The following TLCD3B variants were observed in gnomAD, a reference collection of about 807,000 sequenced individuals.
TLCD3B encodes TLC domain containing 3B.
TLCD3B carries 9 observed loss-of-function variants against 23.0 expected under a neutral mutation model. The observed-to-expected ratio is 0.39, with a 90% CI of 0.24 to 0.68. The LOEUF is 0.68. Ranked by LOEUF, TLCD3B falls within the 30% of genes least tolerant of loss-of-function variation. The probability of loss-of-function intolerance (pLI) is 0.44; values close to 1 mark genes in which losing one functional copy is unlikely to be tolerated. For synonymous variants in TLCD3B, 161 were observed against 161.0 expected (o/e 1.00, Z 0.00); for missense variants, 307 against 371.8 (o/e 0.83, Z 1.43).
Position 30,024,524 on chromosome 16 carries a change from C to G in TLCD3B, c.*659G>C. 2.1e-6 allele frequency: 1 copy of G among 486,168 alleles called. No homozygotes were observed. The highest frequency in any genetic ancestry group is 3.7e-6 in the Non-Finnish European group (1 of 272,694). 30.1% of individuals were successfully genotyped at this position (486,168 alleles called of 1,614,324 possible). A position where few individuals can be genotyped will look rare whatever the true frequency, so the allele number is the denominator to read the frequency against. ...AGGAAGCCTTGAGAGGTCAGTAGCA[C>G]CAGGGACATGGCAGGGCCCGAGGGC... On this transcript the variant is annotated 3_prime_UTR_variant, in exon 5 of 5. Transcript: ENST00000380495.
intron 1 of TLCD3B, among the ~76,000 whole-genome samples, chr16:30,046,934 C>T (rs752035418): frequency 1.3e-5 from 2 of 152,164 alleles, no homozygotes; most frequent in African/African-American, 2.4e-5. Context: ...TATACACATA[C>T]GCATTGTGAT....
At chr16:30,047,217 A>G (rs1195356494) in intron 1 of TLCD3B, among the ~76,000 whole-genome samples, 2 of 151,900 alleles carry the variant, frequency 1.3e-5, no homozygotes, top group Admixed American at 6.6e-5. Context: ...GCTCATTGCA[A>G]CCTCTGCCCC....
In TLCD3B at chr16:30,046,627, A is replaced by G. The variant is rs2071679163; in HGVS notation, c.-293-240T>C. The G allele has an allele frequency of 9.2e-5, 14 of 152,258 alleles. No individual in the cohort carries two copies. In the South Asian group the frequency reaches 2.9e-3, roughly 31 times the overall value. The allele number at this position is 152,258 out of a possible 1,614,324, so 9.4% of individuals were successfully genotyped here. ...TCCCACCCTCTATCTGCACACCAGA[A>G]AAAGCTGAGGGCACAGCAGGTGATT... On this transcript the variant is annotated intron_variant, in intron 1 of 6. Transcript: ENST00000561666.
chr16:30,034,296 G>A (rs576346373), upstream of TLCD3B, among the ~76,000 whole-genome samples: 24 of 151,264 alleles, frequency 1.6e-4, 1 homozygote, highest in Admixed American at 5.3e-4. Context: ...AGAAGAGGCC[G>A]GGTACAGTGG....
rs562360452 is a variant in TLCD3B, at chr16:30,027,019, T to C, written c.210-176A>G. The C allele has an allele frequency of 1.2e-5, 8 of 694,844 alleles. No homozygotes were observed. The South Asian group carries it at 1.2e-4, about 10-fold the overall frequency. The allele number at this position is 694,844 out of a possible 1,614,324, so 43.0% of individuals were successfully genotyped here. A position where few individuals can be genotyped will look rare whatever the true frequency, so the allele number is the denominator to read the frequency against. Reference sequence around the variant, plus strand: ...GCCCAAGGTCACACAGTCATGCAGCTAGTAAGAGATGGTGCTGGGATTCAA... The same window carrying C: ...GCCCAAGGTCACACAGTCATGCAGCCAGTAAGAGATGGTGCTGGGATTCAA... On this transcript the variant is annotated intron_variant, in intron 2 of 4. Transcript: ENST00000380495.
At chr16:30,027,400 G>A (rs2071195445) in intron 2 of TLCD3B, among the ~76,000 whole-genome samples, 1 of 152,210 alleles carries the variant, frequency 6.6e-6, no homozygotes, top group Non-Finnish European at 1.5e-5. Flanking sequence ...GTGAAGAAGT[G>A]AGTCACAGAG....
At chr16:30,041,539 A>G (rs907967567) in intron 2 of TLCD3B, among the ~76,000 whole-genome samples, 2 of 152,062 alleles carry the variant, frequency 1.3e-5, no homozygotes, top group Non-Finnish European at 2.9e-5. Flanking sequence ...TGTTGGGATT[A>G]CACACGCCTG....
chr16:30,040,605 A>C (rs964873263), intron 3 of TLCD3B, among the ~76,000 whole-genome samples: 1 of 151,980 alleles, frequency 6.6e-6, no homozygotes, highest in Non-Finnish European at 1.5e-5. Flanking sequence ...TGAGAGTAGG[A>C]GAGGCAGAAG....
At position 30,030,857 on chromosome 16, in the gene TLCD3B, G is replaced by T. The variant is rs143615996; in HGVS notation, c.-330C>A. On this transcript the variant is annotated 5_prime_UTR_variant, in exon 1 of 5. Coordinates refer to ENST00000380495, the MANE Select transcript of TLCD3B (RefSeq NM_031478.6). ...AGAGGGGACAGGAGGAGGAGGATGCGGATGGGGGAGGGGAGGGAGCCACCA... is the reference window on the plus strand; with the variant it reads ...AGAGGGGACAGGAGGAGGAGGATGCTGATGGGGGAGGGGAGGGAGCCACCA... 2.8e-3 allele frequency: 2,747 copies of T among 985,736 alleles called. 2 individuals are homozygous for T. The highest frequency in any genetic ancestry group is 3.2e-3 in the Non-Finnish European group (2,601 of 820,846). 61.1% of individuals were successfully genotyped at this position (985,736 alleles called of 1,614,324 possible).
chr16:30,029,361 G>A lies in TLCD3B; in HGVS notation c.209+71C>T. ...ACAGACAGAGTTCCCTCCAAGATGT[G>A]GGGTCTTCCGGGATTACCCGTACAC... On this transcript the variant is annotated intron_variant, in intron 2 of 4. Coordinates refer to ENST00000380495, the MANE Select transcript of TLCD3B (RefSeq NM_031478.6). This position sits in a 1 kb window ranked among gnomAD's most constrained non-coding sequence, Gnocchi z 4.6. 7.3e-7 allele frequency: 1 copy of A among 1,363,800 alleles called. No homozygotes were observed. The highest frequency in any genetic ancestry group is 1.0e-6 in the Non-Finnish European group (1 of 962,366). The allele number at this position is 1,363,800 out of a possible 1,614,324, so 84.5% of individuals were successfully genotyped here. A position where few individuals can be genotyped will look rare whatever the true frequency, so the allele number is the denominator to read the frequency against.
intron 1 of TLCD3B, among the ~76,000 whole-genome samples, chr16:30,050,700 C>G (rs2071736655): frequency 6.6e-6 from 1 of 152,188 alleles, no homozygotes; most frequent in African/African-American, 2.4e-5. Context: ...TGGCTGAGAC[C>G]ACCTCAGTAT....
Position 30,029,166 on chromosome 16 carries a change from G to A in TLCD3B, c.209+266C>T, listed in dbSNP as rs2071274455. Among the ~76,000 whole-genome samples the A allele has an allele frequency of 1.3e-5, 2 of 152,166 alleles. No homozygotes were observed. The highest frequency in any genetic ancestry group is 6.5e-5 in the Admixed American group (1 of 15,284). ...AGGAGGTGGGGAACCACGACAACAC[G>A]GGAGACCTGGAAGCCGACTAGAAAG... is the stretch of plus-strand genomic sequence containing the variant. On this transcript the variant is annotated intron_variant, in intron 2 of 4. Transcript: ENST00000380495. The surrounding 1 kb of genome is among the most constrained non-coding windows in gnomAD (Gnocchi z 4.6).
At chr16:30,033,856 C>T (rs2071415671), upstream of TLCD3B, 1 of 151,958 alleles carries the variant, frequency 6.6e-6, no homozygotes, top group Non-Finnish European at 1.5e-5. Flanking sequence ...ATACCAGCTA[C>T]TCGGGAGGTT....
chr16:30,047,449 G>A (rs1392133080), intron 1 of TLCD3B, among the ~76,000 whole-genome samples: 3 of 152,116 alleles, frequency 2.0e-5, no homozygotes, highest in Non-Finnish European at 4.4e-5. Context: ...AGCTTCCTGA[G>A]TATCTGGGAT....
upstream of TLCD3B, among the ~76,000 whole-genome samples, chr16:30,034,084 G>A (rs547208167): frequency 1.3e-5 from 2 of 151,838 alleles, no homozygotes; most frequent in Middle Eastern, 3.4e-3. Context: ...ACCAGCCTGG[G>A]CAACATGGAG....
chr16:30,035,817 T>C (rs1468357502), upstream of TLCD3B, among the ~76,000 whole-genome samples: 1 of 150,900 alleles, frequency 6.6e-6, no homozygotes, highest in Admixed American at 6.6e-5. Flanking sequence ...GGCTGGAGTG[T>C]GGTGGCGTGA....
rs1596771329 is a variant in TLCD3B at position 30,040,744 on chromosome 16, C to T, written c.-67+251G>A. Among the ~76,000 whole-genome samples, 5 of 152,210 alleles carry T rather than the reference C, an allele frequency of 3.3e-5. 1 individual carries two copies. The highest frequency in any genetic ancestry group is 3.3e-4 in the Admixed American group (5 of 15,290). Reference sequence around the variant, plus strand: ...AATCACAGCTCACTGCAGCCTCCACCTCCCGGGCTCAAGTGATCCTTCCAC... The same window carrying T: ...AATCACAGCTCACTGCAGCCTCCACTTCCCGGGCTCAAGTGATCCTTCCAC... On this transcript the variant is annotated intron_variant, in intron 3 of 6. Coordinates refer to the TLCD3B transcript ENST00000561666.
chr16:30,027,566 T>G (rs1243792273), intron 2 of TLCD3B: 2 of 456,042 alleles, frequency 4.4e-6, no homozygotes, highest in Non-Finnish European at 8.8e-6. Flanking sequence ...TGCCCCAAAG[T>G]CACCCAATCT....
chr16:30,042,377 C>T (rs1029412885), intron 2 of TLCD3B, among the ~76,000 whole-genome samples: 1 of 151,954 alleles, frequency 6.6e-6, no homozygotes, highest in Non-Finnish European at 1.5e-5. Flanking sequence ...GCGCCCACCA[C>T]CACACCCAGC....
Sources: gnomAD v4.1 joint callset for allele counts (sites outside exome capture counted in the v4.1 genomes callset) on GRCh38, gnomAD v4.1.1 for gene constraint, Gnocchi (gnomAD v3.1) non-coding constraint, MANE v1.5 for transcripts, NCBI Gene and HGNC (gene_info 2026-07-23, HGNC 2026-07-21) for gene names.